Variants in GRXCR1 observed in about 807,000 individuals in gnomAD.
The protein encoded by GRXCR1 is glutaredoxin domain-containing cysteine-rich protein 1.
In GRXCR1, 27 loss-of-function variants were observed where a neutral mutation model predicts 27.3. The observed-to-expected ratio is 0.99, with a 90% CI of 0.73 to 1.37. The LOEUF (loss-of-function observed/expected upper bound fraction) is 1.37, where lower values mean the gene tolerates loss of function less well. Ranked by LOEUF, GRXCR1 falls within the 40% of genes most tolerant of loss-of-function variation. GRXCR1 has a pLI of 0.00. For missense variants in GRXCR1, 379 were observed against 354.4 expected, an observed-to-expected ratio of 1.07 and a Z score of -0.56; for synonymous variants, 122 against 131.1, an observed-to-expected ratio of 0.93 and a Z score of 0.47.
At chr4:42,947,027 G>A (rs999905959) in intron 1 of GRXCR1, among the ~76,000 whole-genome samples, 25 of 152,076 alleles carry the variant, frequency 1.6e-4, no homozygotes, top group African/African-American at 5.3e-4. Flanking sequence ...AGATAGTGCT[G>A]CTTGACCTGG....
intron 1 of GRXCR1, among the ~76,000 whole-genome samples, chr4:42,941,180 G>A (rs1747611288): frequency 2.0e-5 from 3 of 146,542 alleles, no homozygotes; most frequent in Admixed American, 2.0e-4. Flanking sequence ...GAACTAAAAT[G>A]ACTAGCTGTA....
chr4:42,931,178 G>T (rs1341950638), intron 1 of GRXCR1, among the ~76,000 whole-genome samples: 1 of 151,942 alleles, frequency 6.6e-6, no homozygotes, highest in African/African-American at 2.4e-5. Flanking sequence ...TTTCAGTAAG[G>T]CTGAATAGAA....
chr4:42,994,508 A>T (rs1157414320), intron 2 of GRXCR1, among the ~76,000 whole-genome samples: 1 of 152,138 alleles, frequency 6.6e-6, no homozygotes, highest in Non-Finnish European at 1.5e-5. Flanking sequence ...TATCCCACTG[A>T]GTGTGTGCTG....
chr4:42,897,524 T>C (rs1280637563), intron 1 of GRXCR1, among the ~76,000 whole-genome samples: 1 of 152,110 alleles, frequency 6.6e-6, no homozygotes, highest in Admixed American at 6.6e-5. Flanking sequence ...TGTATGTACA[T>C]GGATATTTCC....
intron 3 of GRXCR1, among the ~76,000 whole-genome samples, chr4:43,028,104 T>A (rs1577951561): frequency 6.7e-6 from 1 of 149,316 alleles, no homozygotes; most frequent in African/African-American, 2.5e-5. Flanking sequence ...AGAGTGAGAC[T>A]CCGTCTCAAA....
At chr4:43,010,079 C>G (rs1467478566) in intron 2 of GRXCR1, among the ~76,000 whole-genome samples, 1 of 152,050 alleles carries the variant, frequency 6.6e-6, no homozygotes, top group African/African-American at 2.4e-5. Context: ...AGTTCAACTC[C>G]ATCACATATT....
At chr4:42,944,191 T>C (rs1577915368) in intron 1 of GRXCR1, among the ~76,000 whole-genome samples, 1 of 151,938 alleles carries the variant, frequency 6.6e-6, no homozygotes, top group South Asian at 2.1e-4. Flanking sequence ...GACTACAGGG[T>C]CTGGTAGAAG....
chr4:42,930,455 C>T (rs566273476), intron 1 of GRXCR1, among the ~76,000 whole-genome samples: 4 of 152,044 alleles, frequency 2.6e-5, no homozygotes, highest in African/African-American at 4.8e-5. Flanking sequence ...TTAAGATGTG[C>T]AATAGGTTAT....
chr4:42,945,818 C>G (rs1046423936), intron 1 of GRXCR1, among the ~76,000 whole-genome samples: 1 of 152,158 alleles, frequency 6.6e-6, no homozygotes, highest in Non-Finnish European at 1.5e-5. Flanking sequence ...TTTATTCCTC[C>G]TTTCTCTTCT....
intron 1 of GRXCR1, among the ~76,000 whole-genome samples, chr4:42,930,343 T>C (rs928515189): frequency 1.3e-5 from 2 of 152,016 alleles, no homozygotes; most frequent in African/African-American, 4.8e-5. Context: ...ACTTTTTCCC[T>C]CTTTCTTTAG....
chr4:42,939,480 G>A (rs1160216154), intron 1 of GRXCR1, among the ~76,000 whole-genome samples: 2 of 151,904 alleles, frequency 1.3e-5, no homozygotes, highest in Non-Finnish European at 2.9e-5. Flanking sequence ...TTTCCAATTT[G>A]GATGAATTTT....
At position 42,932,587 on chromosome 4, in the gene GRXCR1, TATATATATATATATATATATATATA is replaced by T. The variant is rs1206163661; in HGVS notation, c.385-30304_385-30280del. Reference sequence around the variant, plus strand: ...TCTTAAACTCCCTTCCATATATATATATATATATATATATATATATATATATATATATAGAGAGAGAGAGAGAGAG... The same window carrying T: ...TCTTAAACTCCCTTCCATATATATATTATATATAGAGAGAGAGAGAGAGAG... On this transcript the variant is annotated intron_variant, in intron 1 of 3. Coordinates refer to ENST00000399770, the MANE Select transcript of GRXCR1 (RefSeq NM_001080476.3). Among the ~76,000 whole-genome samples, 92 of 39,936 alleles carry T rather than the reference TATATATATATATATATATATATATA, an allele frequency of 2.3e-3. 1 individual carries two copies. Among genetic ancestry groups the T allele is most frequent in the African/African-American group, 7.0e-3 (79 of 11,284 alleles). The allele number at this position is 39,936 out of a possible 152,430, so 26.2% of individuals were successfully genotyped here.
chr4:42,966,352 C>A (rs1038843793), intron 2 of GRXCR1, among the ~76,000 whole-genome samples: 10 of 152,136 alleles, frequency 6.6e-5, no homozygotes, highest in African/African-American at 1.9e-4. Context: ...TAAGTGGGGT[C>A]TCTGGTGACA....
chr4:42,904,314 G>C (rs184094850), intron 1 of GRXCR1, among the ~76,000 whole-genome samples: 269 of 152,248 alleles, frequency 1.8e-3, no homozygotes, highest in Non-Finnish European at 3.1e-3. Flanking sequence ...TTTATGTCTA[G>C]ACTCTTGAAA....
intron 2 of GRXCR1, among the ~76,000 whole-genome samples, chr4:43,002,058 G>A (rs571571414): frequency 1.6e-4 from 24 of 152,320 alleles, no homozygotes; most frequent in Non-Finnish European, 3.4e-4. Context: ...ACCATAGGGC[G>A]GTTTTTCTCC....
chr4:42,964,478 A>G (rs1748195006), intron 2 of GRXCR1, among the ~76,000 whole-genome samples: 1 of 152,038 alleles, frequency 6.6e-6, no homozygotes, highest in African/African-American at 2.4e-5. Flanking sequence ...CCATAGGCTG[A>G]TTGTGAGAAT....
At chr4:42,950,273 T>C (rs1034805305) in intron 1 of GRXCR1, among the ~76,000 whole-genome samples, 4 of 152,142 alleles carry the variant, frequency 2.6e-5, no homozygotes, top group Non-Finnish European at 5.9e-5. Flanking sequence ...TAGTCCCTTT[T>C]CTTCTGGTCT....
Position 42,952,397 on chromosome 4 carries a change from T to A in GRXCR1, c.385-10495T>A, listed in dbSNP as rs187275800. On this transcript the variant is annotated intron_variant, in intron 1 of 3. Coordinates refer to ENST00000399770, the MANE Select transcript of GRXCR1 (RefSeq NM_001080476.3). The stretch of plus-strand genomic sequence containing the variant: ...CACCTGGGGGATTGAGGCACTGACC[T>A]CGTGAAGGGGCCTACACAAAGCACC... Among the ~76,000 whole-genome samples, 11 of 152,174 alleles carry A rather than the reference T, an allele frequency of 7.2e-5. No homozygotes were observed. In the South Asian group the frequency reaches 2.3e-3, roughly 32 times the overall value.
At chr4:43,016,209 C>A (rs1232520943) in intron 2 of GRXCR1, among the ~76,000 whole-genome samples, 2 of 152,178 alleles carry the variant, frequency 1.3e-5, no homozygotes, top group Non-Finnish European at 2.9e-5. Context: ...GGGCATCAAC[C>A]CAAACTGCTA....
Sources: allele counts gnomAD v4.1 joint callset (sites outside exome capture counted in the v4.1 genomes callset), GRCh38; gene constraint gnomAD v4.1.1; transcripts MANE v1.5; gene names NCBI Gene and HGNC (gene_info 2026-07-23, HGNC 2026-07-21).